The following ARHGAP8 variants were observed in gnomAD, a reference collection of about 807,000 sequenced individuals.
ARHGAP8 encodes Rho GTPase activating protein 8.
A neutral mutation model predicts 46.1 loss-of-function variants in ARHGAP8; 62 were observed. The ratio of observed to expected loss-of-function variants is 1.34; its 90% CI spans 1.10 to 1.66. The LOEUF (loss-of-function observed/expected upper bound fraction) is 1.66, where lower values mean the gene tolerates loss of function less well. Ranked by LOEUF, ARHGAP8 falls within the 40% of genes most tolerant of loss-of-function variation. The probability of loss-of-function intolerance (pLI) is 0.00; values close to 1 mark genes in which losing one functional copy is unlikely to be tolerated. For synonymous variants in ARHGAP8, 375 were observed against 243.1 expected (o/e 1.54, Z -5.05); for missense variants, 923 against 568.4 (o/e 1.62, Z -6.34).
chr22:44,833,344 GTGGT>G (rs150439071), intron 7 of ARHGAP8, among the ~76,000 whole-genome samples: 9 of 151,692 alleles, frequency 5.9e-5, no homozygotes, highest in Non-Finnish European at 8.8e-5. Context: ...AGTTTGTTGA[GTGGT>G]TGGTTGGTTG....
At chr22:44,765,457 G>A (rs1925481076) in intron 1 of ARHGAP8, 1 of 152,512 alleles carries the variant, frequency 6.6e-6, no homozygotes, top group South Asian at 2.1e-4. Flanking sequence ...AGCCCACAAG[G>A]GGGGTGTAAT....
intron 4 of ARHGAP8, chr22:44,809,377 C>G (rs1177171643): frequency 1.4e-5 from 5 of 362,036 alleles, no homozygotes; most frequent in Admixed American, 7.0e-5. Flanking sequence ...CCTGCCCATT[C>G]TCCCACCCCT....
chr22:44,787,939 TTCCC>T (rs1361679481), intron 2 of ARHGAP8, among the ~76,000 whole-genome samples: 5 of 136,254 alleles, frequency 3.7e-5, no homozygotes, highest in African/African-American at 5.6e-5. Context: ...TTTTTTTTTT[TTCCC>T]CCCAAATGTC....
chr22:44,763,802 C>CTT (rs201584311), intron 1 of ARHGAP8, among the ~76,000 whole-genome samples: 11 of 91,390 alleles, frequency 1.2e-4, no homozygotes, highest in African/African-American at 2.3e-4. Context: ...TTTTTCTTTT[C>CTT]TTTTTTTTTT....
rs374149108 is a variant in ARHGAP8, at chr22:44,849,463, T to C, written c.877+403T>C. The stretch of plus-strand genomic sequence containing the variant: ...CATTTCTCCCCAGATCATTGTAGGA[T>C]GCCAAGCATATATCACAGGAACTGA... On this transcript the variant is annotated intron_variant, in intron 10 of 11. Transcript: ENST00000356099. The C allele has an allele frequency of 1.6e-3, 401 of 243,400 alleles. 4 individuals are homozygous for C. Among genetic ancestry groups the C allele is most frequent in the African/African-American group, 8.5e-3 (378 of 44,652 alleles). 15.1% of individuals were successfully genotyped at this position (243,400 alleles called of 1,614,324 possible).
At chr22:44,858,733 C>T (rs1166598988) in intron 10 of ARHGAP8, among the ~76,000 whole-genome samples, 1 of 118,728 alleles carries the variant, frequency 8.4e-6, no homozygotes, top group African/African-American at 3.2e-5. Flanking sequence ...ATAAGGGTAA[C>T]TGGGGGGTCT....
chr22:44,849,092 G>A (rs779081933), intron 10 of ARHGAP8, 32 bp downstream of exon 10: 15 of 1,611,838 alleles, frequency 9.3e-6, no homozygotes, highest in Non-Finnish European at 1.2e-5. Context: ...GGGGTGGGGG[G>A]CTTGGTCCTC....
chr22:44,835,231 C>CTATATATATATATA (rs71188491), intron 7 of ARHGAP8, among the ~76,000 whole-genome samples: 12 of 146,880 alleles, frequency 8.2e-5, no homozygotes, highest in African/African-American at 2.5e-4. Flanking sequence ...GTTTCTTTTG[C>CTATATATATATATA]TATATATATA....
At chr22:44,766,814 G>A (rs1925609533) in intron 1 of ARHGAP8, among the ~76,000 whole-genome samples, 1 of 151,468 alleles carries the variant, frequency 6.6e-6, no homozygotes, top group South Asian at 2.1e-4. Flanking sequence ...AGCCCAGAGA[G>A]AGCAAAACTC....
chr22:44,841,324 G>C (rs747671885), intron 7 of ARHGAP8, among the ~76,000 whole-genome samples: 6 of 152,130 alleles, frequency 3.9e-5, no homozygotes, highest in Non-Finnish European at 7.3e-5. Context: ...TGTTTTCTGC[G>C]TGCTGGGGTC....
At chr22:44,780,838 C>T (rs537743843) in intron 1 of ARHGAP8, among the ~76,000 whole-genome samples, 1 of 152,290 alleles carries the variant, frequency 6.6e-6, no homozygotes, top group East Asian at 1.9e-4. Context: ...GGTTGTGAGG[C>T]TTTAGTGAGA....
Position 44,785,612 on chromosome 22 carries a change from C to T in ARHGAP8, c.-71-845C>T, listed in dbSNP as rs143275152. Among the ~76,000 whole-genome samples, 932 of 152,256 alleles carry T rather than the reference C, an allele frequency of 6.1e-3. 10 individuals are homozygous for T. Among genetic ancestry groups the T allele is most frequent in the African/African-American group, 0.022 (898 of 41,524 alleles). ...CCAAATAAGGTCACATTCCGAGCTC[C>T]AGGAGGAATACTGGGGTGGGGAGGG... On this transcript the variant is annotated intron_variant, in intron 1 of 11. Coordinates refer to ENST00000356099, the MANE Select transcript of ARHGAP8 (RefSeq NM_181335.3).
At chr22:44,851,623 G>A (rs2070096117) in intron 10 of ARHGAP8, among the ~76,000 whole-genome samples, 1 of 152,086 alleles carries the variant, frequency 6.6e-6, no homozygotes, top group African/African-American at 2.4e-5. Context: ...CCAAGAGTTT[G>A]AGTCCAAGAG....
intron 8 of ARHGAP8, among the ~76,000 whole-genome samples, chr22:44,846,736 C>T (rs751641928): frequency 5.3e-5 from 8 of 152,202 alleles, no homozygotes. Flanking sequence ...GAGGCATTCG[C>T]TACGTGCCTC....
At chr22:44,796,077 C>T (rs1320490230) in intron 2 of ARHGAP8, among the ~76,000 whole-genome samples, 1 of 152,184 alleles carries the variant, frequency 6.6e-6, no homozygotes, top group Non-Finnish European at 1.5e-5. Context: ...CTTGCCCTGG[C>T]GACCTTGACC....
At position 44,818,028 on chromosome 22, in the gene ARHGAP8, T is replaced by G. The variant is rs559002523; in HGVS notation, c.386+3270T>G. 7.2e-5 allele frequency among the ~76,000 whole-genome samples: 11 copies of G among 152,012 alleles called. No individual in the cohort carries two copies. The South Asian group carries it at 2.3e-3, about 32-fold the overall frequency. On this transcript the variant is annotated intron_variant, in intron 5 of 11. Transcript: ENST00000356099. ...ATTCAGGAGGCTGAGGTGGGAGGAT[T>G]GCTTGAGTTCGAGAGGCAGAGACTG...
chr22:44,818,450 C>CAAAAAAAA (rs749292883), intron 5 of ARHGAP8, among the ~76,000 whole-genome samples: 33 of 125,424 alleles, frequency 2.6e-4, no homozygotes, highest in African/African-American at 1.0e-3. Flanking sequence ...ACTCCAGTCT[C>CAAAAAAAA]AAAAAAAAAA....
At chr22:44,860,441 T>G (rs1348589289) in intron 11 of ARHGAP8, among the ~76,000 whole-genome samples, 2 of 152,062 alleles carry the variant, frequency 1.3e-5, no homozygotes, top group Admixed American at 6.5e-5. Flanking sequence ...TGTCTGTGTG[T>G]GTGTCTAATC....
intron 2 of ARHGAP8, among the ~76,000 whole-genome samples, chr22:44,792,448 T>C (rs2147060816): frequency 6.6e-6 from 1 of 152,278 alleles, no homozygotes. Flanking sequence ...CGTTCTCTCG[T>C]ACCCTAAGTG....
Sources: allele counts gnomAD v4.1 joint callset (sites outside exome capture counted in the v4.1 genomes callset), GRCh38; gene constraint gnomAD v4.1.1; transcripts MANE v1.5; gene names NCBI Gene and HGNC (gene_info 2026-07-23, HGNC 2026-07-21).